UXS1: variants seen among roughly 807,000 people sequenced by gnomAD.
UXS1 encodes the protein UDP-glucuronate decarboxylase 1, also known as UDP-glucuronic acid decarboxylase 1.
Under a neutral mutation model 62.6 loss-of-function variants are expected in UXS1, and 33 were observed. That is an observed-to-expected ratio of 0.53 (90% CI 0.40 to 0.70). The LOEUF (loss-of-function observed/expected upper bound fraction) is 0.70. Ranked by LOEUF, UXS1 falls within the 30% of genes least tolerant of loss-of-function variation. The probability of loss-of-function intolerance (pLI) is 0.00; values close to 1 mark genes in which losing one functional copy is unlikely to be tolerated. For missense variants in UXS1, 434 were observed against 556.3 expected, an observed-to-expected ratio of 0.78 and a Z score of 2.21; for synonymous variants, 213 against 206.8, an observed-to-expected ratio of 1.03 and a Z score of -0.26.
chr2:106,177,598 C>T (rs1683972619), intron 1 of UXS1, among the ~76,000 whole-genome samples: 1 of 152,202 alleles, frequency 6.6e-6, no homozygotes, highest in Admixed American at 6.5e-5. Context: ...ACTTTAATTT[C>T]CGCAAATCAC....
At chr2:106,152,788 C>T (rs1443117293) in intron 5 of UXS1, among the ~76,000 whole-genome samples, 1 of 151,996 alleles carries the variant, frequency 6.6e-6, no homozygotes, top group Non-Finnish European at 1.5e-5. Flanking sequence ...ACTTCCTAGA[C>T]AGGGAAGGCT....
intron 1 of UXS1, among the ~76,000 whole-genome samples, chr2:106,192,315 G>A (rs1348576157): frequency 1.3e-5 from 2 of 152,226 alleles, no homozygotes; most frequent in Non-Finnish European, 2.9e-5. Flanking sequence ...AGCACTTTGG[G>A]AGGCCGAGGC....
intron 3 of UXS1, among the ~76,000 whole-genome samples, chr2:106,164,010 T>C (rs1159736722): frequency 1.3e-5 from 2 of 152,224 alleles, no homozygotes; most frequent in Non-Finnish European, 2.9e-5. Context: ...AGATCAACAC[T>C]ATCCATCTCT....
chr2:106,106,474 C>T (rs991374611), intron 10 of UXS1, among the ~76,000 whole-genome samples: 2 of 151,982 alleles, frequency 1.3e-5, no homozygotes, highest in African/African-American at 4.8e-5. Context: ...ATTTATATGC[C>T]AATTCCACAG....
In UXS1 at chr2:106,129,969, T is replaced by C. The variant is rs368337502; in HGVS notation, c.473-191A>G. ...AAACAAAAATAGAAAGTCTAATTAT[T>C]TGGAAACAAAAACATGTGCTGGGTC... On this transcript the variant is annotated intron_variant, in intron 6 of 14. Transcript: ENST00000283148. Among the ~76,000 whole-genome samples the C allele has an allele frequency of 6.6e-5, 10 of 152,308 alleles. No individual in the cohort carries two copies. In the East Asian group the frequency reaches 1.2e-3, roughly 18 times the overall value.
intron 1 of UXS1, among the ~76,000 whole-genome samples, chr2:106,171,511 C>T (rs1465989439): frequency 6.6e-6 from 1 of 152,034 alleles, no homozygotes; most frequent in Non-Finnish European, 1.5e-5. Context: ...TTCAAGACCC[C>T]GAACAAATGA....
chr2:106,097,658 T>G, intron 13 of UXS1: 1 of 208,200 alleles, frequency 4.8e-6, no homozygotes, highest in Non-Finnish European at 1.0e-5. Flanking sequence ...GGGCCTGGGC[T>G]AGGGCATGAG....
rs189432541 is a variant in UXS1 at position 106,107,304 on chromosome 2, G to A, written c.880-2467C>T. The stretch of plus-strand genomic sequence containing the variant: ...CAGAAAGCCCACCTTTGTCCAGAGC[G>A]GCAGTGGCCTTCAACAAGCCAGCCG... On this transcript the variant is annotated intron_variant, in intron 10 of 14. Transcript: ENST00000283148. 7.0e-4 allele frequency among the ~76,000 whole-genome samples: 107 copies of A among 152,330 alleles called. No individual in the cohort carries two copies. In the East Asian group the frequency reaches 0.012, roughly 17 times the overall value.
intron 2 of UXS1, among the ~76,000 whole-genome samples, chr2:106,165,370 C>T (rs993872285): frequency 6.6e-6 from 1 of 152,170 alleles, no homozygotes; most frequent in Non-Finnish European, 1.5e-5. Flanking sequence ...TGTGCAGCCG[C>T]ATTACATTAC....
At chr2:106,118,252 A>G (rs920510417) in intron 9 of UXS1, among the ~76,000 whole-genome samples, 3 of 151,082 alleles carry the variant, frequency 2.0e-5, no homozygotes, top group African/African-American at 7.3e-5. Context: ...CTCAGGTAGA[A>G]TATATATACC....
At chr2:106,094,272 C>A (rs991833657) in intron 14 of UXS1, 115 bp from the exon 15 acceptor site, 32 of 1,298,592 alleles carry the variant, frequency 2.5e-5, no homozygotes, top group Non-Finnish European at 3.1e-5. Flanking sequence ...GTCAGGCCTC[C>A]TTCAGAGGAA....
At chr2:106,113,013 T>C (rs1035256325) in intron 9 of UXS1, among the ~76,000 whole-genome samples, 4 of 152,240 alleles carry the variant, frequency 2.6e-5, no homozygotes, top group Non-Finnish European at 4.4e-5. Context: ...CCAGCATTAA[T>C]ATTTTGGTAG....
At chr2:106,101,219 G>C in intron 11 of UXS1, 101 bp from the exon 12 acceptor site, 2 of 1,274,970 alleles carry the variant, frequency 1.6e-6, no homozygotes, top group Non-Finnish European at 2.2e-6. Context: ...CCACCCCCAG[G>C]AGAAAACAAA....
intron 1 of UXS1, among the ~76,000 whole-genome samples, chr2:106,174,091 G>C (rs1478848329): frequency 4.6e-5 from 7 of 151,910 alleles, no homozygotes; most frequent in African/African-American, 9.7e-5. Flanking sequence ...AAGAGGATTG[G>C]GGGGGGCGGG....
At chr2:106,096,943 T>C (rs1677163929) in intron 13 of UXS1, 122 bp from the exon 14 acceptor site, 2 of 978,700 alleles carry the variant, frequency 2.0e-6, no homozygotes, top group African/African-American at 3.2e-5. Flanking sequence ...GCGGTGGAAA[T>C]GCAGTTCTCT....
intron 1 of UXS1, among the ~76,000 whole-genome samples, chr2:106,170,756 G>A (rs1188509520): frequency 6.6e-6 from 1 of 152,230 alleles, no homozygotes; most frequent in Non-Finnish European, 1.5e-5. Context: ...CAATTATGAA[G>A]CTTTAGTTTT....
intron 1 of UXS1, among the ~76,000 whole-genome samples, chr2:106,178,065 T>C (rs1684004880): frequency 6.6e-6 from 1 of 152,220 alleles, no homozygotes; most frequent in African/African-American, 2.4e-5. Context: ...CGCTACTAAA[T>C]TCTAGACGCC....
chr2:106,141,560 T>TAA (rs1281214882), intron 6 of UXS1, among the ~76,000 whole-genome samples: 1 of 151,832 alleles, frequency 6.6e-6, no homozygotes, highest in Admixed American at 6.6e-5. Context: ...TGGGCTCAAG[T>TAA]AATCCTCCCA....
intron 13 of UXS1, 33 bp from the exon 14 acceptor site, chr2:106,096,854 G>T: frequency 6.5e-7 from 1 of 1,548,192 alleles, no homozygotes; most frequent in South Asian, 1.2e-5. Flanking sequence ...AGGTAGGAGA[G>T]AATCACAAAG....
Sources: gnomAD v4.1 joint callset for allele counts (sites outside exome capture counted in the v4.1 genomes callset) on GRCh38, gnomAD v4.1.1 for gene constraint, MANE v1.5 for transcripts, NCBI Gene and HGNC (gene_info 2026-07-23, HGNC 2026-07-21) for gene names.